TEAD2: variants seen among roughly 807,000 people sequenced by gnomAD.
The protein encoded by TEAD2 is transcriptional enhancer factor TEF-4.
In TEAD2, 51 loss-of-function variants were observed where a neutral mutation model predicts 61.4. The ratio of observed to expected loss-of-function variants is 0.83; its 90% CI spans 0.66 to 1.05. The LOEUF is 1.05. Among genes scored for constraint, TEAD2 ranks in the 50% least tolerant of loss-of-function variants. The pLI, the probability that TEAD2 is intolerant of heterozygous loss-of-function variation, is 0.00. For missense variants in TEAD2, 509 were observed against 600.0 expected, an observed-to-expected ratio of 0.85 and a Z score of 1.58; for synonymous variants, 244 against 243.2, an observed-to-expected ratio of 1.00 and a Z score of -0.03.
chr19:49,356,324 C>T (rs1192751260), intron 4 of TEAD2: 1 of 172,236 alleles, frequency 5.8e-6, no homozygotes, highest in Non-Finnish European at 1.2e-5. Flanking sequence ...CGAGAACAGA[C>T]CGGAAGGGAA....
intron 7 of TEAD2, 111 bp downstream of exon 7, chr19:49,355,037 A>ACATACATACATG: frequency 1.4e-6 from 1 of 712,770 alleles, no homozygotes; most frequent in African/African-American, 1.8e-5. Flanking sequence ...ATACATACAT[A>ACATACATACATG]CATACATACA....
chr19:49,360,797 CA>C (rs1388902563), intron 1 of TEAD2, among the ~76,000 whole-genome samples: 1 of 15,826 alleles, frequency 6.3e-5, no homozygotes, highest in Non-Finnish European at 9.9e-5. Flanking sequence ...CAGAGACCAG[CA>C]AGGGGGGGGG....
intron 7 of TEAD2, among the ~76,000 whole-genome samples, chr19:49,352,640 G>A (rs933458226): frequency 3.9e-5 from 6 of 152,140 alleles, no homozygotes; most frequent in South Asian, 2.1e-4. Flanking sequence ...GCATTCAAGC[G>A]ATTCTCCTGC....
chr19:49,351,457 C>A, intron 7 of TEAD2, 92 bp from the exon 8 acceptor site: 1 of 1,238,714 alleles, frequency 8.1e-7, no homozygotes. Context: ...AAGCAAGACC[C>A]TGTGCATTTT....
intron 7 of TEAD2, among the ~76,000 whole-genome samples, chr19:49,354,348 C>A (rs551968931): frequency 1.0e-3 from 159 of 151,780 alleles, no homozygotes; most frequent in African/African-American, 3.8e-3. Flanking sequence ...CTACAAAAAT[C>A]AAAAAATTAG....
chr19:49,343,136 C>T (rs1046254826), intron 11 of TEAD2, 95 bp downstream of exon 11: 5 of 1,426,048 alleles, frequency 3.5e-6, no homozygotes, highest in Non-Finnish European at 4.7e-6. Flanking sequence ...GACCCACTCC[C>T]TCCATGCATA....
chr19:49,360,137 G>A (rs1972734592), intron 1 of TEAD2, 56 bp from the exon 2 acceptor site: 1 of 1,405,380 alleles, frequency 7.1e-7, no homozygotes, highest in Admixed American at 1.9e-5. Context: ...CAAGGGACTT[G>A]AAGCTGAGAG....
At chr19:49,348,344 C>T (rs917418073) in intron 9 of TEAD2, among the ~76,000 whole-genome samples, 5 of 152,294 alleles carry the variant, frequency 3.3e-5, no homozygotes, top group Middle Eastern at 3.4e-3. Context: ...GTATGCATCA[C>T]AAAGCCTAGT....
intron 7 of TEAD2, among the ~76,000 whole-genome samples, chr19:49,353,521 C>T (rs1972156513): frequency 6.6e-6 from 1 of 152,196 alleles, no homozygotes. Flanking sequence ...GCACCTCACA[C>T]ATTCTTCGAT....
chr19:49,353,733 G>T (rs1972173399), intron 7 of TEAD2, among the ~76,000 whole-genome samples: 1 of 149,250 alleles, frequency 6.7e-6, no homozygotes, highest in Admixed American at 6.7e-5. Flanking sequence ...CAGCTCCCCA[G>T]TGACCTTCCT....
intron 1 of TEAD2, among the ~76,000 whole-genome samples, chr19:49,361,031 AGGGGGGGACAGAGACCAGAG>A (rs1972855199): frequency 4.0e-5 from 1 of 24,734 alleles, no homozygotes; most frequent in African/African-American, 1.6e-4. Flanking sequence ...GACCAGAGGG[AGGGGGGGACAGAGACCAGAG>A]AGGGGGACAG....
intron 4 of TEAD2, 33 bp from the exon 5 acceptor site, chr19:49,356,003 A>T (rs1319499858): frequency 1.6e-6 from 2 of 1,253,624 alleles, no homozygotes; most frequent in South Asian, 3.5e-5. Context: ...GTGCCAAAGG[A>T]GGAAAGAAAA....
rs1971272735 is a variant in TEAD2, at chr19:49,341,650, A to G, written c.1243-213T>C. On this transcript the variant is annotated intron_variant, in intron 12 of 12. Coordinates refer to ENST00000593945, the MANE Select transcript of TEAD2 (RefSeq NM_001256660.2). The surrounding 1 kb of genome is among the most constrained non-coding windows in gnomAD (Gnocchi z 4.2). Reference sequence around the variant, plus strand: ...ACCCCTCAGCTGAGCGTTGGCAGTTATGGTGTATCACATCTCAGGGTTAAT... The same window carrying G: ...ACCCCTCAGCTGAGCGTTGGCAGTTGTGGTGTATCACATCTCAGGGTTAAT... Among the ~76,000 whole-genome samples the G allele has an allele frequency of 6.6e-6, 1 of 152,104 alleles. No individual in the cohort carries two copies. Among genetic ancestry groups the G allele is most frequent in the Admixed American group, 6.5e-5 (1 of 15,278 alleles).
chr19:49,358,209 G>A (rs750433396), intron 3 of TEAD2, among the ~76,000 whole-genome samples: 1 of 152,126 alleles, frequency 6.6e-6, no homozygotes, highest in Non-Finnish European at 1.5e-5. Context: ...ACTCCAGCCT[G>A]GGCAACAGAG....
chr19:49,344,788 T>G (rs965840487), intron 10 of TEAD2, among the ~76,000 whole-genome samples: 1 of 152,126 alleles, frequency 6.6e-6, no homozygotes, highest in African/African-American at 2.4e-5. Context: ...CTCAGAGCAC[T>G]TCCCCCTCGG....
In TEAD2 at chr19:49,360,029, C is replaced by T. The variant is rs1359197052; in HGVS notation, c.47G>A (p.Trp16Ter). 6.2e-7 allele frequency: 1 copy of T among 1,608,638 alleles called. No homozygotes were observed. The highest frequency in any genetic ancestry group is 8.5e-7 in the Non-Finnish European group (1 of 1,179,894). The change falls in exon 2 of 13, where the codon TGG becomes TAG. Residue 16 changes from tryptophan (W) to a stop codon, truncating the protein, a stop_gained. Transcript: ENST00000593945. LOFTEE classifies it high-confidence loss of function. ...AGAALDDGSG[W>*]TGSEEGSEEG... ...CTCACTGCCTTCCTCACTGCCCGTCCAGCCGCTGCCATCGTCCAGGGCGGC... is the reference window on the plus strand; with the variant it reads ...CTCACTGCCTTCCTCACTGCCCGTCTAGCCGCTGCCATCGTCCAGGGCGGC...
intron 11 of TEAD2, 99 bp downstream of exon 11, chr19:49,343,132 C>T: frequency 1.4e-6 from 2 of 1,394,740 alleles, no homozygotes; most frequent in Non-Finnish European, 1.9e-6. Flanking sequence ...CTGGGACCCA[C>T]TCCCTCCATG....
Position 49,348,830 on chromosome 19 carries a change from TGGG to T in TEAD2, c.617_619del (p.Pro206del), listed in dbSNP as rs752700410. Reference sequence around the variant, plus strand: ...AGGTGGGGGCAGGGGTGAGAGGGCTTGGGGGGGCTCGTACCCTAGAGAGAGAGA... The same window carrying T: ...AGGTGGGGGCAGGGGTGAGAGGGCTTGGGGCTCGTACCCTAGAGAGAGAGA... On this transcript the variant is annotated inframe_deletion, in exon 9 of 13. Transcript: ENST00000593945. 6.4e-7 allele frequency: 1 copy of T among 1,573,830 alleles called. No homozygotes were observed. The highest frequency in any genetic ancestry group is 8.6e-7 in the Non-Finnish European group (1 of 1,164,474).
intron 5 of TEAD2, 61 bp from the exon 6 acceptor site, chr19:49,355,480 G>C: frequency 7.0e-7 from 1 of 1,432,320 alleles, no homozygotes. Context: ...GCAAGAGGGG[G>C]ATGGTGCCAG....
Sources: gnomAD v4.1 joint callset for allele counts (sites outside exome capture counted in the v4.1 genomes callset) on GRCh38, gnomAD v4.1.1 for gene constraint, Gnocchi (gnomAD v3.1) non-coding constraint, MANE v1.5 for transcripts, NCBI Gene and HGNC (gene_info 2026-07-23, HGNC 2026-07-21) for gene names.